Variants in PARD3 observed in about 807,000 individuals in gnomAD.
PARD3 encodes partitioning defective 3 homolog.
A neutral mutation model predicts 155.4 loss-of-function variants in PARD3; 75 were observed. That is an observed-to-expected ratio of 0.48 (90% confidence interval 0.40 to 0.58). PARD3 has a LOEUF of 0.58. PARD3 is among the 20% of genes least tolerant of loss of function. The probability of loss-of-function intolerance (pLI) is 0.00; values close to 1 mark genes in which losing one functional copy is unlikely to be tolerated. For missense variants in PARD3, 1,642 were observed against 1,721.7 expected (o/e 0.95, Z 0.82); for synonymous variants, 576 against 610.5 (o/e 0.94, Z 0.83).
chr10:34,810,335 T>C (rs1843979146), intron 1 of PARD3, among the ~76,000 whole-genome samples: 1 of 152,128 alleles, frequency 6.6e-6, no homozygotes, highest in Non-Finnish European at 1.5e-5. Context: ...CTTCAACCTA[T>C]CTCATTATAT....
At chr10:34,143,179 G>A (rs1395127039) in intron 22 of PARD3, among the ~76,000 whole-genome samples, 1 of 152,088 alleles carries the variant, frequency 6.6e-6, no homozygotes, top group Non-Finnish European at 1.5e-5. Flanking sequence ...AATTAGCTGG[G>A]TGTGGTGGTG....
intron 2 of PARD3, among the ~76,000 whole-genome samples, chr10:34,568,205 G>A (rs2086113651): frequency 6.6e-6 from 1 of 152,162 alleles, no homozygotes; most frequent in Non-Finnish European, 1.5e-5. Flanking sequence ...TATGCTGCTG[G>A]AATATCACTG....
At chr10:34,181,289 C>A (rs1950255485) in intron 22 of PARD3, among the ~76,000 whole-genome samples, 1 of 152,224 alleles carries the variant, frequency 6.6e-6, no homozygotes, top group Non-Finnish European at 1.5e-5. Flanking sequence ...AAACACTGAT[C>A]AGCCAGCTCT....
chr10:34,531,570 A>T (rs187793909), intron 2 of PARD3, among the ~76,000 whole-genome samples: 1 of 152,322 alleles, frequency 6.6e-6, no homozygotes, highest in Non-Finnish European at 1.5e-5. Context: ...GGTATTTCAC[A>T]AAAGTACAAG....
chr10:34,642,325 CT>C (rs2092704227), intron 2 of PARD3, among the ~76,000 whole-genome samples: 1 of 152,108 alleles, frequency 6.6e-6, no homozygotes, highest in African/African-American at 2.4e-5. Context: ...TAAAAACATT[CT>C]TTTGCTTTCT....
chr10:34,281,585 A>G (rs1956161745), intron 21 of PARD3, among the ~76,000 whole-genome samples: 1 of 152,216 alleles, frequency 6.6e-6, no homozygotes, highest in African/African-American at 2.4e-5. Flanking sequence ...AGCAAGTGAC[A>G]GAAAGGGAAG....
At chr10:34,771,786 C>T (rs4934652) in intron 1 of PARD3, among the ~76,000 whole-genome samples, 151,778 of 152,308 alleles carry the variant, frequency 1, 75,628 homozygotes, top group Middle Eastern at 1. Flanking sequence ...CCTGTGCTTT[C>T]AGGTAGAAAC....
chr10:34,432,264 T>C (rs978036216), intron 5 of PARD3, among the ~76,000 whole-genome samples: 1 of 150,738 alleles, frequency 6.6e-6, no homozygotes, highest in Non-Finnish European at 1.5e-5. Context: ...AAATATTACA[T>C]AGGTCTAGTC....
chr10:34,802,334 G>C (rs1003943559), intron 1 of PARD3, among the ~76,000 whole-genome samples: 1 of 150,768 alleles, frequency 6.6e-6, no homozygotes, highest in Non-Finnish European at 1.5e-5. Context: ...AACAACACTT[G>C]ATGTCATAAA....
intron 5 of PARD3, among the ~76,000 whole-genome samples, chr10:34,415,749 T>C (rs532661031): frequency 1.3e-4 from 20 of 152,202 alleles, no homozygotes; most frequent in African/African-American, 2.9e-4. Flanking sequence ...ATAGGTGGCA[T>C]TGCACCCCCA....
intron 12 of PARD3, among the ~76,000 whole-genome samples, chr10:34,366,264 T>C (rs1347648890): frequency 1.3e-5 from 2 of 152,226 alleles, no homozygotes; most frequent in Non-Finnish European, 2.9e-5. Flanking sequence ...GATAAGATAT[T>C]CAACACTTTA....
At position 34,341,682 on chromosome 10, in the gene PARD3, C is replaced by A; in HGVS notation, c.2353G>T (p.Val785Leu). ...SSSSHDDVGF[V>L]TADAGTWAKA... ...GCCCAAGTACCAGCATCTGCCGTCA[C>A]AAACCCCACATCATCATGGGAGCTG... Residue 785 changes from valine to leucine, a missense_variant, in exon 16 of 25, where the codon GTG becomes TTG. By Grantham distance (32) the Val-to-Leu change is conservative. Around this residue, in one of 3 missense-constraint regions of PARD3, gnomAD observed 1,529 missense variants for 1,587.3 expected, o/e 0.96. Transcript: ENST00000374788. The A allele has an allele frequency of 1.9e-6, 3 of 1,613,948 alleles. No homozygotes were observed. The highest frequency in any genetic ancestry group is 2.5e-6 in the Non-Finnish European group (3 of 1,179,948).
chr10:34,636,138 C>G (rs888169398), intron 2 of PARD3, among the ~76,000 whole-genome samples: 10 of 152,120 alleles, frequency 6.6e-5, no homozygotes, highest in Non-Finnish European at 1.0e-4. Flanking sequence ...CAAAACTCTT[C>G]AACGGTTTTT....
intron 1 of PARD3, among the ~76,000 whole-genome samples, chr10:34,768,578 A>C (rs147830272): frequency 3.9e-4 from 60 of 152,362 alleles, no homozygotes; most frequent in African/African-American, 1.3e-3. Flanking sequence ...AATGGGCGGC[A>C]GGTTTGCCCT....
intron 5 of PARD3, among the ~76,000 whole-genome samples, chr10:34,422,566 A>T (rs1031988411): frequency 2.6e-5 from 4 of 152,286 alleles, no homozygotes; most frequent in African/African-American, 9.6e-5. Context: ...ATACAAAAAA[A>T]AAACTCAAGC....
intron 21 of PARD3, among the ~76,000 whole-genome samples, chr10:34,281,559 A>C (rs140879467): frequency 2.0e-5 from 3 of 152,040 alleles, no homozygotes; most frequent in East Asian, 3.9e-4. Flanking sequence ...TCAAGACCCA[A>C]CCTCACAGTG....
At chr10:34,207,256 T>C (rs1278354707) in intron 22 of PARD3, among the ~76,000 whole-genome samples, 1 of 152,214 alleles carries the variant, frequency 6.6e-6, no homozygotes, top group African/African-American at 2.4e-5. Flanking sequence ...AAATGGTTGG[T>C]TGTTTTGTCA....
At chr10:34,500,871 C>A (rs2080651154) in intron 3 of PARD3, among the ~76,000 whole-genome samples, 1 of 151,982 alleles carries the variant, frequency 6.6e-6, no homozygotes, top group South Asian at 2.1e-4. Flanking sequence ...GAGAGAGTAC[C>A]AGTGAAAGAA....
At chr10:34,458,827 C>T (rs1283690514) in intron 4 of PARD3, among the ~76,000 whole-genome samples, 2 of 152,186 alleles carry the variant, frequency 1.3e-5, no homozygotes, top group Non-Finnish European at 2.9e-5. Context: ...CTTTCCTGCA[C>T]AGTATTTCAT....
Sources: gnomAD v4.1 joint callset for allele counts (sites outside exome capture counted in the v4.1 genomes callset) on GRCh38, gnomAD v4.1.1 for gene constraint, gnomAD v4.1.1 regional missense constraint, MANE v1.5 for transcripts, NCBI Gene and HGNC (gene_info 2026-07-23, HGNC 2026-07-21) for gene names.